Variants in NCAM1 observed in about 807,000 individuals in gnomAD.
NCAM1 encodes neural cell adhesion molecule 1, also known as antigen recognized by monoclonal antibody 5.1H11.
NCAM1 carries 14 observed loss-of-function variants against 109.8 expected under a neutral mutation model. That is an observed-to-expected ratio of 0.13 (90% confidence interval 0.08 to 0.20). The LOEUF is 0.20. Ranked by LOEUF, NCAM1 falls within the 10% of genes least tolerant of loss-of-function variation. The pLI, the probability that NCAM1 is intolerant of heterozygous loss-of-function variation, is 1.00. For synonymous variants in NCAM1, 418 were observed against 442.9 expected (o/e 0.94, Z 0.70); for missense variants, 774 against 1,109.9 (o/e 0.70, Z 4.30).
intron 1 of NCAM1, among the ~76,000 whole-genome samples, chr11:113,086,103 G>A (rs762216301): frequency 1.1e-4 from 16 of 152,198 alleles, no homozygotes; most frequent in Admixed American, 5.9e-4. Context: ...TGAACCTCAC[G>A]TTGTACTGAT....
chr11:112,998,701 G>C (rs191957860), intron 1 of NCAM1, among the ~76,000 whole-genome samples: 1 of 152,072 alleles, frequency 6.6e-6, no homozygotes, highest in East Asian at 1.9e-4. Flanking sequence ...CCACTTTTTA[G>C]TCAAAAACTC....
chr11:113,269,991 C>A, intron 17 of NCAM1, 197 bp from the exon 18 acceptor site: 2 of 604,700 alleles, frequency 3.3e-6, no homozygotes, highest in Non-Finnish European at 5.9e-6. Flanking sequence ...GTTGTCATCC[C>A]TCCCTCTGGA....
chr11:113,206,355 T>C (rs909623550), intron 5 of NCAM1, among the ~76,000 whole-genome samples, 175 bp downstream of exon 5: 159 of 151,332 alleles, frequency 1.1e-3, no homozygotes, highest in Non-Finnish European at 2.0e-3. Context: ...TTTTTTTTTT[T>C]AATATACTTG....
At position 113,277,815 on chromosome 11, in the gene NCAM1, A is replaced by G. The variant is rs1035944588; in HGVS notation, c.*2428A>G. On this transcript the variant is annotated 3_prime_UTR_variant, in exon 20 of 20. Coordinates refer to ENST00000316851, the MANE Select transcript of NCAM1 (RefSeq NM_181351.5). ...TTTGGTCTGTTCTCTCCCATTACACATAGGTTTGTCTCAGCATGCAAGAGT... is the reference window on the plus strand; with the variant it reads ...TTTGGTCTGTTCTCTCCCATTACACGTAGGTTTGTCTCAGCATGCAAGAGT... 3 of 145,518 alleles carry G rather than the reference A, an allele frequency of 2.1e-5. No homozygotes were observed. The highest frequency in any genetic ancestry group is 8.8e-5 in the African/African-American group (3 of 34,022). The allele number at this position is 145,518 out of a possible 1,614,324, so 9.0% of individuals were successfully genotyped here.
intron 1 of NCAM1, among the ~76,000 whole-genome samples, chr11:113,065,144 A>G (rs1369786293): frequency 3.3e-5 from 5 of 152,198 alleles, no homozygotes; most frequent in Non-Finnish European, 7.3e-5. Flanking sequence ...ACAGAAGCCA[A>G]ATGAAACAAT....
chr11:113,029,865 A>T (rs1323571747), intron 1 of NCAM1, among the ~76,000 whole-genome samples: 1 of 152,192 alleles, frequency 6.6e-6, no homozygotes, highest in Admixed American at 6.5e-5. Context: ...CTTATTAAGG[A>T]TGCTTGACTT....
intron 1 of NCAM1, among the ~76,000 whole-genome samples, chr11:113,054,942 C>G (rs1166496262): frequency 1.3e-5 from 2 of 152,122 alleles, no homozygotes; most frequent in African/African-American, 4.8e-5. Flanking sequence ...AAAGTGACCC[C>G]TGTGTCATTG....
At chr11:113,056,567 C>T (rs1468796708) in intron 1 of NCAM1, among the ~76,000 whole-genome samples, 1 of 152,122 alleles carries the variant, frequency 6.6e-6, no homozygotes, top group Non-Finnish European at 1.5e-5. Context: ...AACTCTCTTC[C>T]TTTCTGGTCA....
At chr11:113,128,518 C>T (rs188407469) in intron 1 of NCAM1, among the ~76,000 whole-genome samples, 105 of 151,768 alleles carry the variant, frequency 6.9e-4, no homozygotes, top group African/African-American at 2.3e-3. Context: ...AGAAAAGTCA[C>T]GATAAGGGGT....
At chr11:113,156,630 A>G (rs1370424920) in intron 1 of NCAM1, among the ~76,000 whole-genome samples, 1 of 152,136 alleles carries the variant, frequency 6.6e-6, no homozygotes, top group African/African-American at 2.4e-5. Context: ...GAAAGCAATA[A>G]TCTTGAGGTC....
intron 8 of NCAM1, among the ~76,000 whole-genome samples, chr11:113,217,794 G>A (rs1168027478): frequency 6.6e-6 from 1 of 152,184 alleles, no homozygotes; most frequent in South Asian, 2.1e-4. Context: ...GCAGCTCAGT[G>A]CTTCTCAACA....
chr11:113,146,113 G>T (rs1200767485), intron 1 of NCAM1, among the ~76,000 whole-genome samples: 2 of 152,178 alleles, frequency 1.3e-5, no homozygotes, highest in African/African-American at 2.4e-5. Context: ...TCAAGAGTAC[G>T]AGAAGAGATA....
At chr11:113,258,625 CA>C (rs1249958532) in intron 16 of NCAM1, among the ~76,000 whole-genome samples, 1 of 152,166 alleles carries the variant, frequency 6.6e-6, no homozygotes, top group African/African-American at 2.4e-5. Flanking sequence ...TTGTATATTT[CA>C]AACTAGCTAG....
chr11:113,061,354 T>A (rs1413663074), intron 1 of NCAM1, among the ~76,000 whole-genome samples: 1 of 152,228 alleles, frequency 6.6e-6, no homozygotes, highest in Non-Finnish European at 1.5e-5. Flanking sequence ...CTTATAACTT[T>A]AGAGTCTAAG....
intron 1 of NCAM1, among the ~76,000 whole-genome samples, chr11:113,099,405 T>C (rs1239364659): frequency 2.0e-5 from 3 of 152,152 alleles, no homozygotes; most frequent in African/African-American, 7.2e-5. Context: ...TTCTCGTGAG[T>C]TTATCACTCC....
At chr11:113,134,396 A>G (rs751713841) in intron 1 of NCAM1, among the ~76,000 whole-genome samples, 2 of 152,156 alleles carry the variant, frequency 1.3e-5, no homozygotes, top group African/African-American at 2.4e-5. Flanking sequence ...ACTGATGGAC[A>G]TCTGGGCTGC....
At chr11:113,187,690 C>A (rs187413930) in intron 1 of NCAM1, among the ~76,000 whole-genome samples, 25 of 151,998 alleles carry the variant, frequency 1.6e-4, no homozygotes, top group Non-Finnish European at 3.1e-4. Flanking sequence ...ATGTGTAGAC[C>A]CCACACTGGA....
At chr11:113,083,615 A>G (rs1405017784) in intron 1 of NCAM1, among the ~76,000 whole-genome samples, 1 of 152,190 alleles carries the variant, frequency 6.6e-6, no homozygotes, top group Non-Finnish European at 1.5e-5. Context: ...ATTGCTTTTC[A>G]GTATGTTTGG....
intron 1 of NCAM1, among the ~76,000 whole-genome samples, chr11:113,151,279 C>T (rs1275616116): frequency 6.6e-6 from 1 of 152,166 alleles, no homozygotes; most frequent in Non-Finnish European, 1.5e-5. Flanking sequence ...AAATCTCTTG[C>T]AAAAGAGAGA....
Sources: gnomAD v4.1 joint callset for allele counts (sites outside exome capture counted in the v4.1 genomes callset) on GRCh38, gnomAD v4.1.1 for gene constraint, MANE v1.5 for transcripts, NCBI Gene and HGNC (gene_info 2026-07-23, HGNC 2026-07-21) for gene names.